Variants in RELL2 observed in about 807,000 individuals in gnomAD.
The protein encoded by RELL2 is RELT-like protein 2.
RELL2 carries 18 observed loss-of-function variants against 27.5 expected under a neutral mutation model. The ratio of observed to expected loss-of-function variants is 0.65; its 90% CI spans 0.45 to 0.97. RELL2 has a LOEUF of 0.97. RELL2 is among the 50% of genes least tolerant of loss of function. The pLI, the probability that RELL2 is intolerant of heterozygous loss-of-function variation, is 0.00. For missense variants in RELL2, 370 were observed against 397.5 expected, an observed-to-expected ratio of 0.93 and a Z score of 0.59; for synonymous variants, 156 against 147.5, an observed-to-expected ratio of 1.06 and a Z score of -0.42.
intron 1 of RELL2, 87 bp from the exon 2 acceptor site, chr5:141,638,697 AGGGTATGTCCT>A: frequency 9.5e-7 from 1 of 1,056,992 alleles, no homozygotes; most frequent in Non-Finnish European, 1.5e-6. Flanking sequence ...AGTAGGTAAA[AGGGTATGTCCT>A]AAGCAATAAA....
At chr5:141,640,364 A>T (rs1273245983) in intron 5 of RELL2, 48 bp from the exon 6 acceptor site, 1 of 1,614,128 alleles carries the variant, frequency 6.2e-7, no homozygotes. Flanking sequence ...GGGCACTGAT[A>T]GGACCTACTC....
In RELL2 at chr5:141,638,304, C is replaced by T; in HGVS notation, c.79C>T (p.Leu27Phe). The T allele has an allele frequency of 6.2e-7, 1 of 1,614,048 alleles. No individual in the cohort carries two copies. The highest frequency in any genetic ancestry group is 8.5e-7 in the Non-Finnish European group (1 of 1,179,990). The change falls in exon 1 of 7, where the codon CTC (leucine) becomes TTC (phenylalanine). Residue 27 changes from leucine (L) to phenylalanine (F), a missense_variant. Coordinates refer to ENST00000297164, the MANE Select transcript of RELL2 (RefSeq NM_173828.5). ...MLFLLVLVFF[L>F]MGLVGFMICH... Reference sequence around the variant, plus strand: ...CTTCCTGCTTGTGCTGGTCTTCTTCCTCATGGGCCTGGTAGGCTTCATGAT... The same window carrying T: ...CTTCCTGCTTGTGCTGGTCTTCTTCTTCATGGGCCTGGTAGGCTTCATGAT...
In RELL2 at chr5:141,640,755, C is replaced by A; in HGVS notation, c.*86C>A. On this transcript the variant is annotated 3_prime_UTR_variant, in exon 7 of 7. Coordinates refer to ENST00000297164, the MANE Select transcript of RELL2 (RefSeq NM_173828.5). ...AAGCCCTCCCCTCCACTGGACAGCA[C>A]TGCCCCCCAGCTGAGGGACCAGCTC... 1 of 1,310,442 alleles carries A rather than the reference C, an allele frequency of 7.6e-7. No homozygotes were observed. Among genetic ancestry groups the A allele is most frequent in the Non-Finnish European group, 1.0e-6 (1 of 961,074 alleles). 81.2% of individuals were successfully genotyped at this position (1,310,442 alleles called of 1,614,324 possible).
chr5:141,640,162 C>G lies in RELL2; in HGVS notation c.746C>G (p.Pro249Arg). The change falls in exon 5 of 7, where the codon CCT (proline) becomes CGT (arginine). Residue 249 changes from proline (P) to arginine (R), a missense_variant. Coordinates refer to ENST00000297164, the MANE Select transcript of RELL2 (RefSeq NM_173828.5). The part of the protein sequence containing the change: ...NGGLRDSSLT[P>R]RALEGNPRAS... The stretch of plus-strand genomic sequence containing the variant: ...GGACTCAGGGACAGCAGCCTAACCC[C>G]TCGTGCACTTGAAGGGAACCCCAGA... The G allele has an allele frequency of 1.2e-6, 2 of 1,614,172 alleles. No individual in the cohort carries two copies. The highest frequency in any genetic ancestry group is 1.1e-5 in the South Asian group (1 of 91,090).
chr5:141,638,677 C>A, intron 1 of RELL2, 118 bp from the exon 2 acceptor site: 1 of 922,824 alleles, frequency 1.1e-6, no homozygotes, highest in Non-Finnish European at 1.8e-6. Flanking sequence ...TGAGGTCCAG[C>A]ATGATAGCAA....
chr5:141,639,970 A>G lies in RELL2; in HGVS notation c.554A>G (p.Asp185Gly). Residue 185 changes from aspartate to glycine, a missense_variant, in exon 5 of 7, where the codon GAT (aspartate) becomes GGT (glycine). Transcript: ENST00000297164. The surrounding 1 kb of genome is among the most constrained non-coding windows in gnomAD (Gnocchi z 4.4). ...CGCTATGGACTGCACGAACACCGTG[A>G]TGGCTCCCCCACAGACAGGAGCTGG... ...EKRYGLHEHRDGSPTDRSWGS... is the reference protein window; with the variant it reads ...EKRYGLHEHRGGSPTDRSWGS... The G allele has an allele frequency of 1.2e-6, 2 of 1,613,948 alleles. No homozygotes were observed. The highest frequency in any genetic ancestry group is 2.2e-5 in the South Asian group (2 of 91,086).
In RELL2 at chr5:141,639,963, C is replaced by G; in HGVS notation, c.547C>G (p.His183Asp). 6.2e-7 allele frequency: 1 copy of G among 1,614,046 alleles called. No homozygotes were observed. The highest frequency in any genetic ancestry group is 8.5e-7 in the Non-Finnish European group (1 of 1,180,014). The change falls in exon 5 of 7, where the codon CAC becomes GAC. Residue 183 changes from histidine to aspartate, a missense_variant. By Grantham distance (81) the His-to-Asp change is moderately conservative. Transcript: ENST00000297164. This position sits in a 1 kb window ranked among gnomAD's most constrained non-coding sequence, Gnocchi z 4.4. ...HIEKRYGLHEHRDGSPTDRSW... is the reference protein window; with the variant it reads ...HIEKRYGLHEDRDGSPTDRSW... ...TGAGAAGCGCTATGGACTGCACGAA[C>G]ACCGTGATGGCTCCCCCACAGACAG... is the stretch of plus-strand genomic sequence containing the variant.
In RELL2 at chr5:141,640,719, G is replaced by A. The variant is rs559176808; in HGVS notation, c.*50G>A. 3.3e-5 allele frequency: 50 copies of A among 1,525,062 alleles called. No individual in the cohort carries two copies. In the East Asian group the frequency reaches 1.2e-3, roughly 37 times the overall value. 94.5% of individuals were successfully genotyped at this position (1,525,062 alleles called of 1,614,324 possible). On this transcript the variant is annotated 3_prime_UTR_variant, in exon 7 of 7. Transcript: ENST00000297164. ...TACCAGCTGGCAGGGCCAGGGGGTGGGTGGGCGTGAAAGCCCTCCCCTCCA... is the reference window on the plus strand; with the variant it reads ...TACCAGCTGGCAGGGCCAGGGGGTGAGTGGGCGTGAAAGCCCTCCCCTCCA...
rs748099162 is a variant in RELL2 at position 141,639,475 on chromosome 5, C to T, written c.329C>T (p.Thr110Ile). The T allele has an allele frequency of 6.2e-7, 1 of 1,611,494 alleles. No individual in the cohort carries two copies. The highest frequency in any genetic ancestry group is 1.3e-5 in the African/African-American group (1 of 74,832). Reference protein sequence around the residue: ...GTVQLSSVDATSSLQDGAPSH... With the variant: ...GTVQLSSVDAISSLQDGAPSH... ...TCCCTGCTGTCCAGTGTGGATGCCACCTCCAGCCTGCAGGACGGAGCCCCC... is the reference window on the plus strand; with the variant it reads ...TCCCTGCTGTCCAGTGTGGATGCCATCTCCAGCCTGCAGGACGGAGCCCCC... Residue 110 changes from threonine to isoleucine, a missense_variant, in exon 4 of 7, where the codon ACC becomes ATC. Transcript: ENST00000297164. This position sits in a 1 kb window ranked among gnomAD's most constrained non-coding sequence, Gnocchi z 4.4.
rs1399402184 is a variant in RELL2, at chr5:141,639,975, T to G, written c.559T>G (p.Ser187Ala). The change falls in exon 5 of 7, where the codon TCC (serine) becomes GCC (alanine). Residue 187 changes from serine to alanine, a missense_variant. Physicochemically the swap from Ser to Ala is moderately conservative, Grantham distance 99 (BLOSUM62 1). Transcript: ENST00000297164. This position sits in a 1 kb window ranked among gnomAD's most constrained non-coding sequence, Gnocchi z 4.4. ...TGGACTGCACGAACACCGTGATGGC[T>G]CCCCCACAGACAGGAGCTGGGGCTC... ...RYGLHEHRDG[S>A]PTDRSWGSGG... 2 of 1,613,340 alleles carry G rather than the reference T, an allele frequency of 1.2e-6. No homozygotes were observed. Among genetic ancestry groups the G allele is most frequent in the Non-Finnish European group, 1.7e-6 (2 of 1,179,890 alleles).
Position 141,639,494 on chromosome 5 carries a change from A to T in RELL2, c.348A>T (p.Gly116=). Residue 116 remains glycine (G), a synonymous_variant, in exon 4 of 7, where the codon GGA becomes GGT. Transcript: ENST00000297164. The surrounding 1 kb of genome is among the most constrained non-coding windows in gnomAD (Gnocchi z 4.4). ...SVDATSSLQD[G]APSHHHTVHL... is the part of the protein sequence containing the mutation. ...ATGCCACCTCCAGCCTGCAGGACGG[A>T]GCCCCCTCCCATCATCACACAGTGC... 1 of 1,613,760 alleles carries T rather than the reference A, an allele frequency of 6.2e-7. No individual in the cohort carries two copies. The highest frequency in any genetic ancestry group is 8.5e-7 in the Non-Finnish European group (1 of 1,179,834).
In RELL2 at chr5:141,639,360, T is replaced by C; in HGVS notation, c.318-104T>C. 1.1e-6 allele frequency: 1 copy of C among 907,480 alleles called. No homozygotes were observed. Among genetic ancestry groups the C allele is most frequent in the Non-Finnish European group, 1.7e-6 (1 of 603,620 alleles). 56.2% of individuals were successfully genotyped at this position (907,480 alleles called of 1,614,324 possible). On this transcript the variant is annotated intron_variant, in intron 3 of 6. Transcript: ENST00000297164. This position sits in a 1 kb window ranked among gnomAD's most constrained non-coding sequence, Gnocchi z 4.4. ...CAAGAAAAAATGGGGCTTGGGGAAA[T>C]TGGGGCTTCTGGGGTTTTAAGGAGC...
Position 141,637,227 on chromosome 5 carries a change from A to C in RELL2, c.-999A>C. ...CCCCAGCCCTCGGAGAAGATTCCTG[A>C]CTCTCCGCTCGGTCGGGGCATCTGA... On this transcript the variant is annotated 5_prime_UTR_variant, in exon 1 of 7. Coordinates refer to ENST00000297164, the MANE Select transcript of RELL2 (RefSeq NM_173828.5). 1 of 163,628 alleles carries C rather than the reference A, an allele frequency of 6.1e-6. No homozygotes were observed. The highest frequency in any genetic ancestry group is 1.3e-5 in the Non-Finnish European group (1 of 76,214). 10.1% of individuals were successfully genotyped at this position (163,628 alleles called of 1,614,324 possible).
chr5:141,640,910 GAT>G lies in RELL2; in HGVS notation c.*243_*244del. On this transcript the variant is annotated 3_prime_UTR_variant, in exon 7 of 7. Transcript: ENST00000297164. ...CCTTCCCCAACACCTCGCTCCATAT[GAT>G]AGAGCGTGGCAGCTGGGAGCAGGCC... is the stretch of plus-strand genomic sequence containing the variant. The G allele has an allele frequency of 1.8e-6, 1 of 553,626 alleles. No homozygotes were observed. The highest frequency in any genetic ancestry group is 3.2e-6 in the Non-Finnish European group (1 of 313,598). 34.3% of individuals were successfully genotyped at this position (553,626 alleles called of 1,614,324 possible).
chr5:141,640,814 G>GACCTCTCCTGA lies in RELL2; in HGVS notation c.*145_*146insACCTCTCCTGA. 1.3e-6 allele frequency: 1 copy of GACCTCTCCTGA among 780,112 alleles called. No homozygotes were observed. Among genetic ancestry groups the GACCTCTCCTGA allele is most frequent in the Non-Finnish European group, 2.0e-6 (1 of 499,128 alleles). 48.3% of individuals were successfully genotyped at this position (780,112 alleles called of 1,614,324 possible). ...CCTGGAGTTGCACAGTCTCAGGCTG[G>GACCTCTCCTGA]GGGCCTCAGGAGAGGTCACAGCCCC... is the stretch of plus-strand genomic sequence containing the variant. On this transcript the variant is annotated 3_prime_UTR_variant, in exon 7 of 7. Transcript: ENST00000297164.
chr5:141,638,652 TG>T, intron 1 of RELL2, 142 bp from the exon 2 acceptor site: 1 of 790,410 alleles, frequency 1.3e-6, no homozygotes. Context: ...CCATCTTTTC[TG>T]GTCCCTGAAA....
At position 141,641,037 on chromosome 5, in the gene RELL2, A is replaced by G; in HGVS notation, c.*368A>G. The G allele has an allele frequency of 2.9e-6, 1 of 349,780 alleles. No homozygotes were observed. Among genetic ancestry groups the G allele is most frequent in the Non-Finnish European group, 5.2e-6 (1 of 193,576 alleles). 21.7% of individuals were successfully genotyped at this position (349,780 alleles called of 1,614,324 possible). ...GGCCTGGCCTTCGTGCCCTTTATTC[A>G]TTGTCAATAAATCCGCTCAGACCAT... is the stretch of plus-strand genomic sequence containing the variant. On this transcript the variant is annotated 3_prime_UTR_variant, in exon 7 of 7. Transcript: ENST00000297164.
Position 141,639,371 on chromosome 5 carries a change from G to A in RELL2, c.318-93G>A. ...GGGGCTTGGGGAAATTGGGGCTTCTGGGGTTTTAAGGAGCATGCTGAAAGA... is the reference window on the plus strand; with the variant it reads ...GGGGCTTGGGGAAATTGGGGCTTCTAGGGTTTTAAGGAGCATGCTGAAAGA... On this transcript the variant is annotated intron_variant, in intron 3 of 6. Coordinates refer to ENST00000297164, the MANE Select transcript of RELL2 (RefSeq NM_173828.5). The surrounding 1 kb of genome is among the most constrained non-coding windows in gnomAD (Gnocchi z 4.4). 2 of 1,052,532 alleles carry A rather than the reference G, an allele frequency of 1.9e-6. No homozygotes were observed. Among genetic ancestry groups the A allele is most frequent in the East Asian group, 2.5e-5 (1 of 40,312 alleles). 65.2% of individuals were successfully genotyped at this position (1,052,532 alleles called of 1,614,324 possible).
chr5:141,639,698 G>A lies in RELL2; in HGVS notation c.503+49G>A, dbSNP rs2099906599. ...GGGGGGCTGAGGTAGGGGGCCCAGT[G>A]ATCAGGCACCTGATCCCAAAAGTGG... On this transcript the variant is annotated intron_variant, in intron 4 of 6. Coordinates refer to ENST00000297164, the MANE Select transcript of RELL2 (RefSeq NM_173828.5). The surrounding 1 kb of genome is among the most constrained non-coding windows in gnomAD (Gnocchi z 4.4). 13 of 1,532,788 alleles carry A rather than the reference G, an allele frequency of 8.5e-6. No individual in the cohort carries two copies. Among genetic ancestry groups the A allele is most frequent in the African/African-American group, 1.4e-5 (1 of 72,252 alleles). 94.9% of individuals were successfully genotyped at this position (1,532,788 alleles called of 1,614,324 possible). A position where few individuals can be genotyped will look rare whatever the true frequency, so the allele number is the denominator to read the frequency against.
Sources: gnomAD v4.1 joint callset for allele counts on GRCh38, gnomAD v4.1.1 for gene constraint, Gnocchi (gnomAD v3.1) non-coding constraint, MANE v1.5 for transcripts, NCBI Gene and HGNC (gene_info 2026-07-23, HGNC 2026-07-21) for gene names.